RNF111: variants seen among roughly 807,000 people sequenced by gnomAD.
RNF111 encodes the protein E3 ubiquitin-protein ligase Arkadia.
A neutral mutation model predicts 95.1 loss-of-function variants in RNF111; 17 were observed. The ratio of observed to expected loss-of-function variants is 0.18; its 90% confidence interval spans 0.12 to 0.27. The LOEUF is 0.27. Among genes scored for constraint, RNF111 ranks in the 10% least tolerant of loss-of-function variants. The probability of loss-of-function intolerance (pLI) is 1.00; values close to 1 mark genes in which losing one functional copy is unlikely to be tolerated. For missense variants in RNF111, 1,189 were observed against 1,210.4 expected (o/e 0.98, Z 0.26); for synonymous variants, 440 against 414.8 (o/e 1.06, Z -0.74).
At chr15:58,995,788 T>TA (rs869215598) in intron 1 of RNF111, among the ~76,000 whole-genome samples, 13 of 131,838 alleles carry the variant, frequency 9.9e-5, no homozygotes, top group Non-Finnish European at 1.8e-4. Context: ...TTTTTTTTTT[T>TA]AAGTATTTCC....
chr15:59,084,509 A>T lies in RNF111; in HGVS notation c.2423+255A>T, dbSNP rs74017351. On this transcript the variant is annotated intron_variant, in intron 9 of 13. Transcript: ENST00000348370. Reference sequence around the variant, plus strand: ...TGTTTAATTGAAAAATAATAATTGTATATATTTGGAGGTACAGCATAGTAT... The same window carrying T: ...TGTTTAATTGAAAAATAATAATTGTTTATATTTGGAGGTACAGCATAGTAT... The T allele has an allele frequency of 4.8e-3, 1,516 of 315,762 alleles. 19 individuals carry two copies. The highest frequency in any genetic ancestry group is 0.03 in the African/African-American group (1,410 of 46,832). The allele number at this position is 315,762 out of a possible 1,614,324, so 19.6% of individuals were successfully genotyped here. A position where few individuals can be genotyped will look rare whatever the true frequency, so the allele number is the denominator to read the frequency against.
intron 2 of RNF111, among the ~76,000 whole-genome samples, chr15:59,037,563 G>A (rs1001788552): frequency 5.3e-5 from 8 of 152,154 alleles, no homozygotes; most frequent in African/African-American, 1.7e-4. Flanking sequence ...ATTGCCGGGC[G>A]TGGTGGCTCA....
At chr15:59,010,219 TTTTAA>T (rs1473038875) in intron 1 of RNF111, among the ~76,000 whole-genome samples, 14 of 152,176 alleles carry the variant, frequency 9.2e-5, no homozygotes, top group Non-Finnish European at 1.6e-4. Context: ...ATTCTTTTTG[TTTTAA>T]TTTAAGAAAA....
chr15:59,068,446 A>C (rs1450267469), intron 6 of RNF111, among the ~76,000 whole-genome samples: 1 of 151,722 alleles, frequency 6.6e-6, no homozygotes, highest in Non-Finnish European at 1.5e-5. Flanking sequence ...ATTTCTACTA[A>C]AATACAAAAA....
intron 5 of RNF111, chr15:59,058,801 A>G (rs2042308491): frequency 2.4e-6 from 1 of 412,108 alleles, no homozygotes; most frequent in South Asian, 3.2e-5. Flanking sequence ...GGCTGACACC[A>G]AAAGCATGAG....
At chr15:59,016,258 C>T (rs1469806459) in intron 1 of RNF111, among the ~76,000 whole-genome samples, 2 of 151,728 alleles carry the variant, frequency 1.3e-5, no homozygotes, top group Non-Finnish European at 2.9e-5. Flanking sequence ...CAACCTCCAC[C>T]TCCTGGATTC....
intron 1 of RNF111, among the ~76,000 whole-genome samples, chr15:59,019,100 T>A (rs1357170834): frequency 7.1e-6 from 1 of 140,020 alleles, no homozygotes; most frequent in Non-Finnish European, 1.5e-5. Flanking sequence ...TTTTTGTATT[T>A]TTGTATTTTT....
chr15:59,068,607 C>T (rs1427535432), intron 6 of RNF111, among the ~76,000 whole-genome samples: 1 of 151,748 alleles, frequency 6.6e-6, no homozygotes, highest in Non-Finnish European at 1.5e-5. Context: ...CTCCGAAGTT[C>T]GTTTTTTTTT....
chr15:59,089,667 G>T lies in RNF111; in HGVS notation c.2551G>T (p.Val851Phe). 6.2e-7 allele frequency: 1 copy of T among 1,610,618 alleles called. No individual in the cohort carries two copies. Among genetic ancestry groups the T allele is most frequent in the Non-Finnish European group, 8.5e-7 (1 of 1,177,524 alleles). ...HLQLGALPLM[V>F]PDMAGYPHIR... ...TAGCCTATCTCTTCTGTTGAAATAGGTTCCTGATATGGCAGGCTATCCTCA... is the reference window on the plus strand; with the variant it reads ...TAGCCTATCTCTTCTGTTGAAATAGTTTCCTGATATGGCAGGCTATCCTCA... Residue 851 changes from valine to phenylalanine, a missense_variant and splice_region_variant, in exon 11 of 14, where the codon GTT (valine) becomes TTT (phenylalanine). Val to Phe is a conservative substitution (Grantham distance 50, BLOSUM62 -1). Transcript: ENST00000348370.
intron 1 of RNF111, among the ~76,000 whole-genome samples, chr15:59,019,826 G>T (rs894409331): frequency 6.6e-6 from 1 of 152,012 alleles, no homozygotes; most frequent in African/African-American, 2.4e-5. Flanking sequence ...AGGTGTGGTG[G>T]TGTGTGCCTA....
chr15:59,082,126 G>T (rs62002557), intron 8 of RNF111, among the ~76,000 whole-genome samples: 9,868 of 152,254 alleles, frequency 0.065, 468 homozygotes, highest in Admixed American at 0.17. Flanking sequence ...ATTTCACTAA[G>T]AAATTGATTC....
At chr15:59,049,081 TCACA>T (rs2041845183) in intron 2 of RNF111, among the ~76,000 whole-genome samples, 2 of 152,068 alleles carry the variant, frequency 1.3e-5, no homozygotes, top group African/African-American at 4.8e-5. Flanking sequence ...TGACCCTGTC[TCACA>T]CACACACAAA....
chr15:59,066,652 T>A, intron 5 of RNF111, 112 bp from the exon 6 acceptor site: 1 of 873,442 alleles, frequency 1.1e-6, no homozygotes, highest in South Asian at 1.8e-5. Context: ...TTACAGAGAT[T>A]TGAAATTACC....
intron 13 of RNF111, among the ~76,000 whole-genome samples, chr15:59,093,964 T>C (rs991214932): frequency 6.6e-6 from 1 of 152,188 alleles, no homozygotes; most frequent in Non-Finnish European, 1.5e-5. Flanking sequence ...TATTAGGAAG[T>C]CTGAAAAGTG....
intron 1 of RNF111, among the ~76,000 whole-genome samples, chr15:58,998,722 T>A (rs985875599): frequency 2.1e-4 from 32 of 152,314 alleles, no homozygotes; most frequent in African/African-American, 6.3e-4. Flanking sequence ...ATTCAAACTT[T>A]CAAGCAAAAA....
intron 4 of RNF111, 92 bp downstream of exon 4, chr15:59,055,937 A>G (rs2042184043): frequency 2.1e-6 from 2 of 944,332 alleles, no homozygotes; most frequent in Non-Finnish European, 3.0e-6. Context: ...GCTTACTGGT[A>G]ATATATTATT....
intron 6 of RNF111, 117 bp from the exon 7 acceptor site, chr15:59,075,837 G>T (rs1358961900): frequency 8.0e-6 from 9 of 1,124,956 alleles, no homozygotes; most frequent in Middle Eastern, 3.0e-4. Context: ...AATCTTCCTG[G>T]TTTCAAACTA....
intron 3 of RNF111, 57 bp from the exon 4 acceptor site, chr15:59,055,624 TG>T (rs2042170776): frequency 7.6e-7 from 1 of 1,307,984 alleles, no homozygotes; most frequent in Admixed American, 2.7e-5. Flanking sequence ...TATGGGTTTT[TG>T]TGGTGACTAA....
intron 1 of RNF111, among the ~76,000 whole-genome samples, chr15:59,013,675 G>A (rs1233843599): frequency 6.6e-6 from 1 of 152,188 alleles, no homozygotes. Context: ...TGAGATTGGT[G>A]GGGGAGGGGT....
Sources: gnomAD v4.1 joint callset for allele counts (sites outside exome capture counted in the v4.1 genomes callset) on GRCh38, gnomAD v4.1.1 for gene constraint, MANE v1.5 for transcripts, NCBI Gene and HGNC (gene_info 2026-07-23, HGNC 2026-07-21) for gene names.